EFEMP1: variants seen among roughly 807,000 people sequenced by gnomAD.
EFEMP1 encodes the protein EGF-containing fibulin-like extracellular matrix protein 1.
EFEMP1 carries 18 observed loss-of-function variants against 65.7 expected under a neutral mutation model. The ratio of observed to expected loss-of-function variants is 0.27; its 90% CI spans 0.19 to 0.41. The LOEUF is 0.41. Among genes scored for constraint, EFEMP1 ranks in the 10% least tolerant of loss-of-function variants. EFEMP1 has a pLI of 1.00. For missense variants in EFEMP1, 469 were observed against 624.8 expected, an observed-to-expected ratio of 0.75 and a Z score of 2.66; for synonymous variants, 237 against 219.7, an observed-to-expected ratio of 1.08 and a Z score of -0.70.
At chr2:55,887,297 T>G (rs1163794746) in intron 5 of EFEMP1, among the ~76,000 whole-genome samples, 2 of 152,198 alleles carry the variant, frequency 1.3e-5, no homozygotes, top group East Asian at 3.8e-4. Flanking sequence ...GAGAGTAGTT[T>G]TAAGTGAATT....
rs1272490891 is a variant in EFEMP1, at chr2:55,919,720, T to A, written c.82-1453A>T. The stretch of plus-strand genomic sequence containing the variant: ...GAGATCCATTTAGATATTTTACTGA[T>A]GTCTGAAACTTACTGGAGCGAGAAC... On this transcript the variant is annotated intron_variant, in intron 3 of 11. Transcript: ENST00000355426. The surrounding 1 kb of genome is among the most constrained non-coding windows in gnomAD (Gnocchi z 4.5). Among the ~76,000 whole-genome samples, 1 of 152,258 alleles carries A rather than the reference T, an allele frequency of 6.6e-6. No homozygotes were observed. Among genetic ancestry groups the A allele is most frequent in the African/African-American group, 2.4e-5 (1 of 41,468 alleles).
intron 5 of EFEMP1, among the ~76,000 whole-genome samples, chr2:55,891,420 A>G (rs531692273): frequency 2.0e-5 from 3 of 152,212 alleles, no homozygotes; most frequent in African/African-American, 4.8e-5. Flanking sequence ...TGTACAGTCA[A>G]CTTTTCTCTA....
intron 5 of EFEMP1, among the ~76,000 whole-genome samples, chr2:55,895,878 C>A (rs1299353067): frequency 3.3e-5 from 5 of 152,160 alleles, no homozygotes; most frequent in African/African-American, 1.2e-4. Flanking sequence ...GCAGCAAACT[C>A]ACTATCTCTG....
rs1274768306 is a variant in EFEMP1, at chr2:55,870,036, A to G, written c.1320+684T>C. On this transcript the variant is annotated intron_variant, in intron 11 of 11. Coordinates refer to ENST00000355426, the MANE Select transcript of EFEMP1 (RefSeq NM_001039348.3). This position sits in a 1 kb window ranked among gnomAD's most constrained non-coding sequence, Gnocchi z 5.8. ...AAAGATAACCCAGGAGACAGTGTGA[A>G]GAGGGAAATGGCAGAATTCAGAAAG... Among the ~76,000 whole-genome samples the G allele has an allele frequency of 6.6e-6, 1 of 152,060 alleles. No individual in the cohort carries two copies. Among genetic ancestry groups the G allele is most frequent in the Non-Finnish European group, 1.5e-5 (1 of 68,000 alleles).
intron 5 of EFEMP1, among the ~76,000 whole-genome samples, chr2:55,898,748 T>C (rs1246267534): frequency 6.6e-6 from 1 of 152,148 alleles, no homozygotes; most frequent in Non-Finnish European, 1.5e-5. Context: ...GAATTCTGGG[T>C]CCTACCTCAA....
chr2:55,881,190 T>A (rs1387360849), intron 6 of EFEMP1, among the ~76,000 whole-genome samples: 1 of 152,176 alleles, frequency 6.6e-6, no homozygotes, highest in Non-Finnish European at 1.5e-5. Context: ...TTGCTCAAGG[T>A]CTCAAAGCGA....
In EFEMP1 at chr2:55,870,796, G is replaced by A. The variant is rs1572780482; in HGVS notation, c.1244C>T (p.Ala415Val). Residue 415 changes from alanine to valine, a missense_variant, in exon 11 of 12, where the codon GCC (alanine) becomes GTC (valine). Coordinates refer to ENST00000355426, the MANE Select transcript of EFEMP1 (RefSeq NM_001039348.3). The surrounding 1 kb of genome is among the most constrained non-coding windows in gnomAD (Gnocchi z 5.8). ...GATGGTGTTGGCATAAATAGTTGTG[G>A]CCTGTATCTGGAAGATGTCTGATGG... ...SVPSDIFQIQ[A>V]TTIYANTINT... 6.2e-7 allele frequency: 1 copy of A among 1,613,778 alleles called. No individual in the cohort carries two copies. Among genetic ancestry groups the A allele is most frequent in the Non-Finnish European group, 8.5e-7 (1 of 1,179,808 alleles).
chr2:55,898,191 T>C (rs1669901454), intron 5 of EFEMP1, among the ~76,000 whole-genome samples: 1 of 152,210 alleles, frequency 6.6e-6, no homozygotes. Flanking sequence ...AAATTGGTTA[T>C]TTCATGAAGT....
chr2:55,911,455 C>T (rs527904224), intron 5 of EFEMP1, among the ~76,000 whole-genome samples: 1 of 151,880 alleles, frequency 6.6e-6, no homozygotes, highest in African/African-American at 2.4e-5. Flanking sequence ...ATTGTTAAAA[C>T]AATATATAGT....
At chr2:55,887,916 C>T (rs1439021078) in intron 5 of EFEMP1, among the ~76,000 whole-genome samples, 1 of 152,150 alleles carries the variant, frequency 6.6e-6, no homozygotes, top group East Asian at 1.9e-4. Flanking sequence ...CTTCGAATTG[C>T]TTTTCTAGCA....
At chr2:55,890,743 G>T (rs1246295022) in intron 5 of EFEMP1, among the ~76,000 whole-genome samples, 1 of 152,002 alleles carries the variant, frequency 6.6e-6, no homozygotes, top group African/African-American at 2.4e-5. Flanking sequence ...ATCTCAAACT[G>T]AATGAAAATG....
chr2:55,878,781 T>A (rs74847062), intron 6 of EFEMP1, among the ~76,000 whole-genome samples: 8,180 of 152,284 alleles, frequency 0.054, 267 homozygotes, highest in Middle Eastern at 0.095. Flanking sequence ...TTCTGGCAAT[T>A]ACTAGCTTGG....
rs1668600747 is a variant in EFEMP1 at position 55,867,004 on chromosome 2, A to G, written c.*69T>C. On this transcript the variant is annotated 3_prime_UTR_variant, in exon 12 of 12. Transcript: ENST00000355426. The surrounding 1 kb of genome is among the most constrained non-coding windows in gnomAD (Gnocchi z 4.3). ...AGATGCACTAGATATATCTATAAAT[A>G]AAATAGTGCTTTAAGGTAACAATAT... The G allele has an allele frequency of 6.3e-7, 1 of 1,584,762 alleles. No individual in the cohort carries two copies. Among genetic ancestry groups the G allele is most frequent in the Non-Finnish European group, 8.7e-7 (1 of 1,155,804 alleles).
Position 55,883,676 on chromosome 2 carries a change from C to T in EFEMP1, c.518-1942G>A, listed in dbSNP as rs189613400. Among the ~76,000 whole-genome samples, 496 of 152,256 alleles carry T rather than the reference C, an allele frequency of 3.3e-3. 2 individuals are homozygous for T. Among genetic ancestry groups the T allele is most frequent in the Non-Finnish European group, 6.0e-3 (407 of 68,012 alleles). On this transcript the variant is annotated intron_variant, in intron 5 of 11. Transcript: ENST00000355426. The surrounding 1 kb of genome is among the most constrained non-coding windows in gnomAD (Gnocchi z 4.5). The stretch of plus-strand genomic sequence containing the variant: ...ATCTATCTGCAAACTGCCTCCACCC[C>T]GCTGCATTCCTACAACTGATGCCCT...
In EFEMP1 at chr2:55,876,758, A is replaced by G. The variant is rs762971862; in HGVS notation, c.761-16T>C. The G allele has an allele frequency of 2.3e-6, 3 of 1,306,106 alleles. No individual in the cohort carries two copies. The highest frequency in any genetic ancestry group is 3.1e-6 in the Non-Finnish European group (3 of 953,536). The allele number at this position is 1,306,106 out of a possible 1,614,324, so 80.9% of individuals were successfully genotyped here. A position where few individuals can be genotyped will look rare whatever the true frequency, so the allele number is the denominator to read the frequency against. The stretch of plus-strand genomic sequence containing the variant: ...TCATTTATATCTGAAAAAAAGTTTT[A>G]TATATATATATATGTATATGTATAT... On this transcript the variant is annotated splice_polypyrimidine_tract_variant and intron_variant, in intron 7 of 11. Coordinates refer to ENST00000355426, the MANE Select transcript of EFEMP1 (RefSeq NM_001039348.3).
chr2:55,922,784 T>C lies in EFEMP1; in HGVS notation c.-8+115A>G. The C allele has an allele frequency of 1.2e-6, 1 of 802,274 alleles. No individual in the cohort carries two copies. The highest frequency in any genetic ancestry group is 1.7e-6 in the Non-Finnish European group (1 of 591,716). 49.7% of individuals were successfully genotyped at this position (802,274 alleles called of 1,614,324 possible). A position where few individuals can be genotyped will look rare whatever the true frequency, so the allele number is the denominator to read the frequency against. On this transcript the variant is annotated intron_variant, in intron 2 of 11. Coordinates refer to ENST00000355426, the MANE Select transcript of EFEMP1 (RefSeq NM_001039348.3). This position sits in a 1 kb window ranked among gnomAD's most constrained non-coding sequence, Gnocchi z 5.5. The stretch of plus-strand genomic sequence containing the variant: ...GGGGGTCGAAAGGAAAAAACAGTAA[T>C]CCATTTCAAAGGGGACGGTGCATTT...
At chr2:55,895,967 T>C (rs1276246964) in intron 5 of EFEMP1, among the ~76,000 whole-genome samples, 1 of 152,188 alleles carries the variant, frequency 6.6e-6, no homozygotes, top group African/African-American at 2.4e-5. Context: ...AAGCACCTTG[T>C]CTGGCTGGCT....
At chr2:55,905,066 T>C (rs961638399) in intron 5 of EFEMP1, among the ~76,000 whole-genome samples, 4 of 145,680 alleles carry the variant, frequency 2.7e-5, no homozygotes, top group Middle Eastern at 3.8e-3. Flanking sequence ...AAACTTAGGA[T>C]CTCCAACTGC....
intron 5 of EFEMP1, among the ~76,000 whole-genome samples, chr2:55,897,832 A>C (rs1246024402): frequency 6.6e-6 from 1 of 152,136 alleles, no homozygotes; most frequent in Non-Finnish European, 1.5e-5. Flanking sequence ...CAACCAGATT[A>C]CTTTTTAGTT....
Sources: allele counts gnomAD v4.1 joint callset (sites outside exome capture counted in the v4.1 genomes callset), GRCh38; gene constraint gnomAD v4.1.1; non-coding constraint Gnocchi (gnomAD v3.1); transcripts MANE v1.5; gene names NCBI Gene and HGNC (gene_info 2026-07-23, HGNC 2026-07-21).